The following ZSCAN31 variants were observed in gnomAD, a reference collection of about 807,000 sequenced individuals.
ZSCAN31 encodes the protein zinc finger and SCAN domain-containing protein 31.
Under a neutral mutation model 22.5 loss-of-function variants are expected in ZSCAN31, and 14 were observed. The ratio of observed to expected loss-of-function variants is 0.62; its 90% confidence interval spans 0.41 to 0.97. ZSCAN31 has a LOEUF of 0.97. Ranked by LOEUF, ZSCAN31 falls within the 50% of genes least tolerant of loss-of-function variation. The pLI is 0.00. For missense variants in ZSCAN31, 424 were observed against 483.4 expected, an observed-to-expected ratio of 0.88 and a Z score of 1.15; for synonymous variants, 168 against 169.8, an observed-to-expected ratio of 0.99 and a Z score of 0.08.
upstream of ZSCAN31, among the ~76,000 whole-genome samples, chr6:28,341,133 A>C (rs536469724): frequency 6.6e-6 from 1 of 152,252 alleles, no homozygotes; most frequent in Non-Finnish European, 1.5e-5. Flanking sequence ...ATGGATCAAT[A>C]TATCCTTATG....
intron 1 of ZSCAN31, among the ~76,000 whole-genome samples, chr6:28,332,114 A>G (rs1763797168): frequency 6.6e-6 from 1 of 152,206 alleles, no homozygotes; most frequent in South Asian, 2.1e-4. Context: ...AAGGGAAAAT[A>G]CACTCTTTCT....
upstream of ZSCAN31, among the ~76,000 whole-genome samples, chr6:28,339,920 G>A (rs1051355952): frequency 7.5e-6 from 1 of 133,100 alleles, no homozygotes; most frequent in Non-Finnish European, 1.5e-5. Flanking sequence ...CCAGGCCAGG[G>A]CATTTGAAGA....
chr6:28,339,243 A>C (rs571089072), upstream of ZSCAN31, among the ~76,000 whole-genome samples: 29 of 152,212 alleles, frequency 1.9e-4, no homozygotes, highest in African/African-American at 6.5e-4. Context: ...TGTCAGAATA[A>C]TTTCCATTGA....
At chr6:28,336,201 C>G (rs1373745309), upstream of ZSCAN31, 2 of 152,332 alleles carry the variant, frequency 1.3e-5, no homozygotes, top group Non-Finnish European at 2.9e-5. Flanking sequence ...AGCCAGGCAA[C>G]TCTTTCCTTT....
At chr6:28,327,973 A>G (rs9461452) in intron 2 of ZSCAN31, among the ~76,000 whole-genome samples, 5,470 of 152,330 alleles carry the variant, frequency 0.036, 243 homozygotes, top group African/African-American at 0.1. Flanking sequence ...CTGGGTGTCC[A>G]GGGAAGACAT....
At chr6:28,334,693 A>C (rs764951659) in intron 1 of ZSCAN31, among the ~76,000 whole-genome samples, 13 of 152,204 alleles carry the variant, frequency 8.5e-5, no homozygotes, top group Non-Finnish European at 2.9e-5. Flanking sequence ...GCAAAGAGTA[A>C]AATTGCCCTA....
upstream of ZSCAN31, among the ~76,000 whole-genome samples, chr6:28,339,084 C>G (rs1413864939): frequency 6.6e-6 from 1 of 152,166 alleles, no homozygotes; most frequent in Non-Finnish European, 1.5e-5. Flanking sequence ...AATCTCTTTT[C>G]AATGTGTTCA....
upstream of ZSCAN31, among the ~76,000 whole-genome samples, chr6:28,355,095 G>A (rs936360989): frequency 7.9e-5 from 12 of 152,184 alleles, no homozygotes; most frequent in East Asian, 3.9e-4. Flanking sequence ...TTGGGAATGC[G>A]GGAATGCCCT....
At chr6:28,345,144 C>CAAAAAAAAAAAAAAA (rs60598517) in intron 2 of ZSCAN31, among the ~76,000 whole-genome samples, 1 of 93,638 alleles carries the variant, frequency 1.1e-5, no homozygotes, top group African/African-American at 3.8e-5. Context: ...AACTGTGTCT[C>CAAAAAAAAAAAAAAA]AAAAAAAAAA....
chr6:28,326,736 T>C lies in ZSCAN31; in HGVS notation c.651A>G (p.Arg217=), dbSNP rs748923281. ...QRDVSLDSKY[R]ETCKRDSKAE... ...CCTTGCTGTCTCGTTTACAAGTTTC[T>C]CTGTACTTAGAATCCAAAGATACAT... The change falls in exon 4 of 4, where the codon AGA becomes AGG. Residue 217 remains arginine, a synonymous_variant. Coordinates refer to ENST00000344279, the MANE Select transcript of ZSCAN31 (RefSeq NM_030899.5). The C allele has an allele frequency of 6.8e-6, 11 of 1,614,022 alleles. No individual in the cohort carries two copies. Among genetic ancestry groups the C allele is most frequent in the Non-Finnish European group, 6.8e-6 (8 of 1,180,046 alleles).
At position 28,331,803 on chromosome 6, in the gene ZSCAN31, G is replaced by A. The variant is rs916497260; in HGVS notation, c.-95-2025C>T. ...ACTTTAATGCTATTGAGAAACCATG[G>A]AGATACAGTTGGCTTTTTTTGTTTT... On this transcript the variant is annotated intron_variant, in intron 1 of 3. Coordinates refer to ENST00000344279, the MANE Select transcript of ZSCAN31 (RefSeq NM_030899.5). This position sits in a 1 kb window ranked among gnomAD's most constrained non-coding sequence, Gnocchi z 4.8. Among the ~76,000 whole-genome samples the A allele has an allele frequency of 2.0e-4, 30 of 152,186 alleles. No homozygotes were observed. The highest frequency in any genetic ancestry group is 2.0e-3 in the Admixed American group (30 of 15,284).
At position 28,329,290 on chromosome 6, in the gene ZSCAN31, T is replaced by A. The variant is rs1455804195; in HGVS notation, c.381+13A>T. 6.4e-7 allele frequency: 1 copy of A among 1,551,984 alleles called. No individual in the cohort carries two copies. The highest frequency in any genetic ancestry group is 1.4e-5 in the African/African-American group (1 of 72,338). On this transcript the variant is annotated intron_variant, in intron 2 of 3. Transcript: ENST00000344279. ...AGTATTTAATGTCTAGAAGTCCATC[T>A]TTCTCCTCTCACCTGGTTCCCTGGC...
chr6:28,326,500 T>C lies in ZSCAN31; in HGVS notation c.887A>G (p.Gln296Arg). ...RRSHTGEKPY[Q>R]CKECGKAFSA... ...GAAGGCTTTCCCACACTCCTTACAT[T>C]GATAGGGTTTCTCTCCAGTGTGGCT... is the stretch of plus-strand genomic sequence containing the variant. The change falls in exon 4 of 4, where the codon CAA (glutamine) becomes CGA (arginine). Residue 296 changes from glutamine to arginine, a missense_variant. Coordinates refer to ENST00000344279, the MANE Select transcript of ZSCAN31 (RefSeq NM_030899.5). The C allele has an allele frequency of 6.2e-7, 1 of 1,614,130 alleles. No homozygotes were observed. Among genetic ancestry groups the C allele is most frequent in the Non-Finnish European group, 8.5e-7 (1 of 1,180,002 alleles).
At chr6:28,342,290 C>A (rs1011040328) in intron 2 of ZSCAN31, among the ~76,000 whole-genome samples, 1 of 152,142 alleles carries the variant, frequency 6.6e-6, no homozygotes, top group African/African-American at 2.4e-5. Context: ...GGCCAAAGCA[C>A]CAAAAAGTCT....
rs1763774297 is a variant in ZSCAN31, at chr6:28,331,862, A to G, written c.-95-2084T>C. On this transcript the variant is annotated intron_variant, in intron 1 of 3. Transcript: ENST00000344279. The surrounding 1 kb of genome is among the most constrained non-coding windows in gnomAD (Gnocchi z 4.8). Reference sequence around the variant, plus strand: ...TTGATCACTACAGGCAATCTCTCACATACCCAAAGCCACAGGTGGAGTATT... The same window carrying G: ...TTGATCACTACAGGCAATCTCTCACGTACCCAAAGCCACAGGTGGAGTATT... Among the ~76,000 whole-genome samples, 1 of 152,186 alleles carries G rather than the reference A, an allele frequency of 6.6e-6. No individual in the cohort carries two copies. Among genetic ancestry groups the G allele is most frequent in the Non-Finnish European group, 1.5e-5 (1 of 68,034 alleles).
chr6:28,326,040 C>T lies in ZSCAN31; in HGVS notation c.*126G>A. The T allele has an allele frequency of 1.1e-6, 1 of 885,132 alleles. No homozygotes were observed. The highest frequency in any genetic ancestry group is 1.7e-5 in the South Asian group (1 of 57,376). The allele number at this position is 885,132 out of a possible 1,614,324, so 54.8% of individuals were successfully genotyped here. A position where few individuals can be genotyped will look rare whatever the true frequency, so the allele number is the denominator to read the frequency against. On this transcript the variant is annotated 3_prime_UTR_variant, in exon 4 of 4. Coordinates refer to ENST00000344279, the MANE Select transcript of ZSCAN31 (RefSeq NM_030899.5). ...TAAGCCACTTGAAAATCTTACTTTC[C>T]AAGACGGCCCCATTTAGGGGTCTGA...
intron 2 of ZSCAN31, among the ~76,000 whole-genome samples, chr6:28,346,839 A>C (rs1764667005): frequency 6.6e-6 from 1 of 152,196 alleles, no homozygotes; most frequent in Admixed American, 6.5e-5. Flanking sequence ...ATCCTTTATG[A>C]CTTTAAGATA....
At chr6:28,344,406 A>T (rs1374457657) in intron 2 of ZSCAN31, among the ~76,000 whole-genome samples, 2 of 152,212 alleles carry the variant, frequency 1.3e-5, no homozygotes, top group Non-Finnish European at 2.9e-5. Flanking sequence ...TATGTTCAGC[A>T]CTGGACATGT....
In ZSCAN31 at chr6:28,333,193, G is replaced by A. The variant is rs892842823; in HGVS notation, c.-96+2889C>T. Among the ~76,000 whole-genome samples the A allele has an allele frequency of 6.6e-6, 1 of 152,178 alleles. No individual in the cohort carries two copies. The highest frequency in any genetic ancestry group is 2.4e-5 in the African/African-American group (1 of 41,440). ...CTTCCACACTCATGAAAGGGAGACA[G>A]AAAAATAAAAGGTAGTTGACTGCTG... On this transcript the variant is annotated intron_variant, in intron 1 of 3. Transcript: ENST00000344279. The surrounding 1 kb of genome is among the most constrained non-coding windows in gnomAD (Gnocchi z 4.1).
Sources: allele counts gnomAD v4.1 joint callset (sites outside exome capture counted in the v4.1 genomes callset), GRCh38; gene constraint gnomAD v4.1.1; non-coding constraint Gnocchi (gnomAD v3.1); transcripts MANE v1.5; gene names NCBI Gene and HGNC (gene_info 2026-07-23, HGNC 2026-07-21).